The following MYO1E variants were observed in gnomAD, a reference collection of about 807,000 sequenced individuals.
The protein encoded by MYO1E is myosin IE.
Under a neutral mutation model 151.1 loss-of-function variants are expected in MYO1E, and 68 were observed. The ratio of observed to expected loss-of-function variants is 0.45; its 90% CI spans 0.37 to 0.55. The LOEUF is 0.55. MYO1E is among the 20% of genes least tolerant of loss of function. MYO1E has a pLI of 0.00. For synonymous variants in MYO1E, 601 were observed against 501.7 expected, an observed-to-expected ratio of 1.20 and a Z score of -2.64; for missense variants, 1,363 against 1,389.3, an observed-to-expected ratio of 0.98 and a Z score of 0.30.
intron 4 of MYO1E, among the ~76,000 whole-genome samples, chr15:59,253,051 T>C (rs2080174304): frequency 6.6e-6 from 1 of 151,956 alleles, no homozygotes; most frequent in Admixed American, 6.6e-5. Context: ...GAAAAAAGAG[T>C]GTCACTGTTC....
At position 59,215,105 on chromosome 15, in the gene MYO1E, T is replaced by C. The variant is rs199910253; in HGVS notation, c.1108-385A>G. Among the ~76,000 whole-genome samples the C allele has an allele frequency of 2.0e-5, 3 of 152,152 alleles. No homozygotes were observed. The East Asian group carries it at 5.8e-4, about 29-fold the overall frequency. On this transcript the variant is annotated intron_variant, in intron 10 of 27. Coordinates refer to ENST00000288235, the MANE Select transcript of MYO1E (RefSeq NM_004998.4). ...GGATCTGTAATTGTCATTTCCAGTG[T>C]CTTCCATTCACCAGTCATTTAATGA... is the stretch of plus-strand genomic sequence containing the variant.
intron 10 of MYO1E, 74 bp downstream of exon 10, chr15:59,217,817 C>A: frequency 6.5e-7 from 1 of 1,544,992 alleles, no homozygotes; most frequent in Non-Finnish European, 8.9e-7. Context: ...TGTGAGCCAC[C>A]GCACCCAGCC....
At chr15:59,339,758 C>T (rs1181912659) in intron 1 of MYO1E, among the ~76,000 whole-genome samples, 2 of 152,190 alleles carry the variant, frequency 1.3e-5, no homozygotes, top group Non-Finnish European at 2.9e-5. Context: ...GCGGCCAAGG[C>T]CTGAAGACTG....
chr15:59,293,956 TG>T (rs1389103017), intron 1 of MYO1E, among the ~76,000 whole-genome samples: 1 of 152,050 alleles, frequency 6.6e-6, no homozygotes, highest in African/African-American at 2.4e-5. Context: ...GGTGGAGAAA[TG>T]CTTGAGCCTG....
intron 4 of MYO1E, among the ~76,000 whole-genome samples, chr15:59,245,878 A>G (rs1370210053): frequency 6.6e-6 from 1 of 152,204 alleles, no homozygotes; most frequent in Non-Finnish European, 1.5e-5. Context: ...ATCATGAACA[A>G]AGCTTGCCAG....
chr15:59,318,721 G>A (rs571820409), intron 1 of MYO1E, among the ~76,000 whole-genome samples: 2 of 152,270 alleles, frequency 1.3e-5, no homozygotes, highest in African/African-American at 4.8e-5. Flanking sequence ...CTGTTTGCCA[G>A]GCAGTGTACT....
intron 17 of MYO1E, among the ~76,000 whole-genome samples, chr15:59,191,369 A>G (rs1277667861): frequency 1.5e-5 from 2 of 135,654 alleles, no homozygotes; most frequent in Non-Finnish European, 3.3e-5. Flanking sequence ...AGAGAGAGAG[A>G]AAGAAATGTC....
Position 59,295,794 on chromosome 15 carries a change from G to C in MYO1E, c.4-23345C>G, listed in dbSNP as rs1029183315. Among the ~76,000 whole-genome samples the C allele has an allele frequency of 3.9e-5, 6 of 152,238 alleles. No homozygotes were observed. The South Asian group carries it at 1.2e-3, about 32-fold the overall frequency. On this transcript the variant is annotated intron_variant, in intron 1 of 27. Coordinates refer to ENST00000288235, the MANE Select transcript of MYO1E (RefSeq NM_004998.4). ...AGGACCCCAAAGGAGTGGAAGAGAC[G>C]GGGAAGGACTGATGTGCAAATTTCC...
intron 1 of MYO1E, among the ~76,000 whole-genome samples, chr15:59,273,142 G>A (rs925742780): frequency 1.3e-5 from 2 of 152,228 alleles, no homozygotes; most frequent in Non-Finnish European, 1.5e-5. Context: ...ACATGCCCAG[G>A]AGGGGAAGGC....
chr15:59,340,716 T>C (rs1477173121), intron 1 of MYO1E, among the ~76,000 whole-genome samples: 2 of 152,060 alleles, frequency 1.3e-5, no homozygotes, highest in Non-Finnish European at 2.9e-5. Context: ...AGGAATAAAA[T>C]CAGGAAGGAT....
intron 1 of MYO1E, among the ~76,000 whole-genome samples, chr15:59,294,557 T>A (rs2080438085): frequency 6.6e-6 from 1 of 152,206 alleles, no homozygotes; most frequent in Non-Finnish European, 1.5e-5. Context: ...AATGCCAGTA[T>A]CTTTGCCCTC....
intron 17 of MYO1E, among the ~76,000 whole-genome samples, chr15:59,192,939 A>C (rs2079742841): frequency 2.6e-5 from 4 of 152,152 alleles, no homozygotes; most frequent in Admixed American, 2.6e-4. Context: ...ACTGTCTGGA[A>C]GCCTTCATTC....
At chr15:59,314,340 G>A (rs563083978) in intron 1 of MYO1E, among the ~76,000 whole-genome samples, 1 of 152,218 alleles carries the variant, frequency 6.6e-6, no homozygotes, top group Non-Finnish European at 1.5e-5. Flanking sequence ...AGTGAAGATT[G>A]TTATACTATT....
Position 59,195,449 on chromosome 15 carries a change from T to A in MYO1E, c.1805+12A>T. 1 of 1,606,236 alleles carries A rather than the reference T, an allele frequency of 6.2e-7. No individual in the cohort carries two copies. Among genetic ancestry groups the A allele is most frequent in the Non-Finnish European group, 8.5e-7 (1 of 1,172,800 alleles). ...AGGTCCCGGCCCCACCTAAGCCGGT[T>A]TCCCCCGATACCTGCTTTCCTCCCA... is the stretch of plus-strand genomic sequence containing the variant. On this transcript the variant is annotated intron_variant, in intron 17 of 27. Transcript: ENST00000288235.
At chr15:59,208,599 C>T in intron 14 of MYO1E, 82 bp downstream of exon 14, 1 of 1,502,836 alleles carries the variant, frequency 6.7e-7, no homozygotes, top group Non-Finnish European at 9.3e-7. Flanking sequence ...TACGGCGAGC[C>T]ATATGATTTG....
chr15:59,316,532 T>C (rs369660539), intron 1 of MYO1E, among the ~76,000 whole-genome samples: 8 of 152,232 alleles, frequency 5.3e-5, no homozygotes, highest in African/African-American at 1.9e-4. Flanking sequence ...TGGAAATGAA[T>C]AAAAGCCAGA....
intron 1 of MYO1E, among the ~76,000 whole-genome samples, chr15:59,344,300 TAA>T (rs1388922067): frequency 6.6e-6 from 1 of 152,254 alleles, no homozygotes; most frequent in Non-Finnish European, 1.5e-5. Flanking sequence ...TGGTCTTGTG[TAA>T]GATCCAAAAG....
intron 1 of MYO1E, among the ~76,000 whole-genome samples, chr15:59,345,312 G>T (rs910093211): frequency 6.6e-6 from 1 of 151,358 alleles, no homozygotes; most frequent in African/African-American, 2.4e-5. Flanking sequence ...GCATAAAAAA[G>T]CAAAGGTATC....
At chr15:59,172,425 C>G (rs141927919) in intron 21 of MYO1E, among the ~76,000 whole-genome samples, 1 of 152,306 alleles carries the variant, frequency 6.6e-6, no homozygotes, top group East Asian at 1.9e-4. Flanking sequence ...GTTACCAGGA[C>G]AGGGGGAAGC....
Sources: gnomAD v4.1 joint callset for allele counts (sites outside exome capture counted in the v4.1 genomes callset) on GRCh38, gnomAD v4.1.1 for gene constraint, MANE v1.5 for transcripts, NCBI Gene and HGNC (gene_info 2026-07-23, HGNC 2026-07-21) for gene names.